The following P3H2 variants were observed in gnomAD, a reference collection of about 807,000 sequenced individuals.
The protein encoded by P3H2 is leprecan-like 1.
In P3H2, 80 loss-of-function variants were observed where a neutral mutation model predicts 87.0. The ratio of observed to expected loss-of-function variants is 0.92; its 90% CI spans 0.77 to 1.11. P3H2 has a LOEUF of 1.11. Among genes scored for constraint, P3H2 ranks in the 50% least tolerant of loss-of-function variants. The probability of loss-of-function intolerance (pLI) is 0.00; values close to 1 mark genes in which losing one functional copy is unlikely to be tolerated. For missense variants in P3H2, 1,001 were observed against 923.9 expected (o/e 1.08, Z -1.08); for synonymous variants, 367 against 359.3 (o/e 1.02, Z -0.24).
intron 1 of P3H2, among the ~76,000 whole-genome samples, chr3:190,063,900 G>A (rs188505265): frequency 5.3e-4 from 81 of 151,824 alleles, no homozygotes; most frequent in African/African-American, 2.0e-3. Context: ...TTTTCACCAT[G>A]AGTTAGATTT....
At position 190,120,286 on chromosome 3, in the gene P3H2, A is replaced by C; in HGVS notation, c.446T>G (p.Val149Gly). The change falls in exon 1 of 15, where the codon GTG becomes GGG. Residue 149 changes from valine (V) to glycine (G), a missense_variant. Physicochemically the swap from Val to Gly is moderately radical, Grantham distance 109. Coordinates refer to ENST00000319332, the MANE Select transcript of P3H2 (RefSeq NM_018192.4). ...GGCCCGCTGCAGGTAGTTGTAGGGC[A>C]CTCTGCGCTGGAAGTCGCTGCGCAC... The part of the protein sequence containing the change: ...EDVRSDFQRR[V>G]PYNYLQRAYI... 1.2e-6 allele frequency: 2 copies of C among 1,610,742 alleles called. No homozygotes were observed. The highest frequency in any genetic ancestry group is 1.7e-6 in the Non-Finnish European group (2 of 1,179,288).
chr3:190,086,729 T>C (rs1026781643), intron 1 of P3H2, among the ~76,000 whole-genome samples: 1 of 152,140 alleles, frequency 6.6e-6, no homozygotes, highest in Non-Finnish European at 1.5e-5. Flanking sequence ...GGGGACTCCA[T>C]GAAGATCTGA....
At chr3:190,097,535 C>T (rs1727624675) in intron 1 of P3H2, among the ~76,000 whole-genome samples, 1 of 152,038 alleles carries the variant, frequency 6.6e-6, no homozygotes, top group Non-Finnish European at 1.5e-5. Context: ...CCAATTCAGA[C>T]CTCCCTCACA....
In P3H2 at chr3:190,058,245, T is replaced by C. The variant is rs185893878; in HGVS notation, c.480+62007A>G. On this transcript the variant is annotated intron_variant, in intron 1 of 14. Transcript: ENST00000319332. The stretch of plus-strand genomic sequence containing the variant: ...GTCAACTGGCTTGTTGAAGTCCTAG[T>C]TCTTTTTCAGTAAGATGGGGATAAG... 3.9e-4 allele frequency among the ~76,000 whole-genome samples: 59 copies of C among 152,314 alleles called. 1 individual carries two copies. Among genetic ancestry groups the C allele is most frequent in the Admixed American group, 1.3e-3 (20 of 15,286 alleles).
intron 3 of P3H2, among the ~76,000 whole-genome samples, chr3:189,989,310 C>T (rs988323623): frequency 1.4e-4 from 22 of 152,182 alleles, no homozygotes; most frequent in African/African-American, 4.8e-4. Context: ...TTCCCATGTA[C>T]ACTTTTTATA....
chr3:190,071,817 G>A (rs1432369417), intron 1 of P3H2, among the ~76,000 whole-genome samples: 1 of 151,904 alleles, frequency 6.6e-6, no homozygotes, highest in African/African-American at 2.4e-5. Flanking sequence ...AGGACAATGA[G>A]GAACTGGGAA....
chr3:189,993,450 G>T (rs1723944104), intron 3 of P3H2, among the ~76,000 whole-genome samples: 2 of 151,934 alleles, frequency 1.3e-5, no homozygotes, highest in African/African-American at 4.8e-5. Flanking sequence ...TTTGTGTAAG[G>T]CATACAGCAG....
intron 1 of P3H2, among the ~76,000 whole-genome samples, chr3:190,114,701 A>T (rs3106337): frequency 3.8e-4 from 57 of 151,768 alleles, no homozygotes; most frequent in Non-Finnish European, 7.1e-4. Flanking sequence ...GTGACCTGTA[A>T]GTTTTGATGG....
intron 13 of P3H2, among the ~76,000 whole-genome samples, chr3:189,967,292 T>C (rs1723033274): frequency 6.6e-6 from 1 of 151,706 alleles, no homozygotes; most frequent in African/African-American, 2.4e-5. Flanking sequence ...ATTCTGGGTT[T>C]TTAAAAATAG....
intron 1 of P3H2, among the ~76,000 whole-genome samples, chr3:190,047,667 G>A (rs564291747): frequency 7.2e-4 from 109 of 152,146 alleles, no homozygotes; most frequent in Non-Finnish European, 1.3e-3. Flanking sequence ...AGGTAAATAA[G>A]CCAGGCTCAG....
rs1177013647 is a variant in P3H2 at position 189,994,142 on chromosome 3, C to T, written c.775G>A (p.Glu259Lys). 1 of 1,613,690 alleles carries T rather than the reference C, an allele frequency of 6.2e-7. No homozygotes were observed. The change falls in exon 3 of 15, where the codon GAA becomes AAA. Residue 259 changes from glutamate (E) to lysine (K), a missense_variant. Coordinates refer to ENST00000319332, the MANE Select transcript of P3H2 (RefSeq NM_018192.4). ...GCCTTATACCCTAAATACTCATATT[C>T]TTCAAATCTCTGAGGCCCCTCACAT... Reference protein sequence around the residue: ...TLCEGPQRFEEYEYLGYKAGL... With the variant: ...TLCEGPQRFEKYEYLGYKAGL...
chr3:190,049,691 A>G (rs1725914795), intron 1 of P3H2, among the ~76,000 whole-genome samples: 2 of 152,210 alleles, frequency 1.3e-5, no homozygotes, highest in African/African-American at 2.4e-5. Context: ...TCGGCTACAT[A>G]GATACACACA....
In P3H2 at chr3:190,103,611, G is replaced by C. The variant is rs565116945; in HGVS notation, c.480+16641C>G. 2.4e-4 allele frequency among the ~76,000 whole-genome samples: 37 copies of C among 152,252 alleles called. 1 individual carries two copies. The South Asian group carries it at 7.3e-3, about 30-fold the overall frequency. ...TACAGACATATAAACAAGTGAAAGG[G>C]CAGGCTGGTGGCAAGGCTGAAAGAG... On this transcript the variant is annotated intron_variant, in intron 1 of 14. Transcript: ENST00000319332.
intron 1 of P3H2, among the ~76,000 whole-genome samples, chr3:190,014,218 G>C (rs551292197): frequency 6.6e-6 from 1 of 152,208 alleles, no homozygotes; most frequent in South Asian, 2.1e-4. Context: ...ATGAAGGAAT[G>C]AATAACTATT....
intron 1 of P3H2, among the ~76,000 whole-genome samples, chr3:190,018,088 C>G (rs1489375227): frequency 1.3e-5 from 2 of 152,196 alleles, no homozygotes. Context: ...GTTTCACAAG[C>G]AGTTGGTCAA....
At chr3:190,101,699 T>C (rs902295791) in intron 1 of P3H2, among the ~76,000 whole-genome samples, 2 of 152,190 alleles carry the variant, frequency 1.3e-5, no homozygotes, top group African/African-American at 4.8e-5. Flanking sequence ...CAAGCGTTAA[T>C]GTGGAAGCTG....
rs1724947623 is a variant in P3H2, at chr3:190,022,332, T to C, written c.481-26890A>G. 1.5e-5 allele frequency among the ~76,000 whole-genome samples: 2 copies of C among 134,854 alleles called. 1 individual carries two copies. The highest frequency in any genetic ancestry group is 1.5e-4 in the Admixed American group (2 of 13,272). The allele number at this position is 134,854 out of a possible 152,430, so 88.5% of individuals were successfully genotyped here. ...AAGGCACAAATGAGCCCCTCAGGGG[T>C]GGGGTGTGCATTCAAGAAAACAGAT... On this transcript the variant is annotated intron_variant, in intron 1 of 14. Transcript: ENST00000319332.
chr3:190,062,613 T>C (rs1391682756), intron 1 of P3H2, among the ~76,000 whole-genome samples: 4 of 152,160 alleles, frequency 2.6e-5, no homozygotes, highest in Admixed American at 1.3e-4. Flanking sequence ...ACTATTATTA[T>C]GTATAAGCAT....
chr3:190,033,089 C>A (rs894354079), intron 1 of P3H2, among the ~76,000 whole-genome samples: 1 of 152,330 alleles, frequency 6.6e-6, no homozygotes, highest in African/African-American at 2.4e-5. Flanking sequence ...AGATCCCCCA[C>A]ATGCAAAGTT....
Sources: allele counts gnomAD v4.1 joint callset (sites outside exome capture counted in the v4.1 genomes callset), GRCh38; gene constraint gnomAD v4.1.1; transcripts MANE v1.5; gene names NCBI Gene and HGNC (gene_info 2026-07-23, HGNC 2026-07-21).